The following ALKBH3 variants were observed in gnomAD, a reference collection of about 807,000 sequenced individuals.
The protein encoded by ALKBH3 is alpha-ketoglutarate-dependent dioxygenase alkB homolog 3.
ALKBH3 carries 51 observed loss-of-function variants against 43.9 expected under a neutral mutation model. The observed-to-expected ratio is 1.16, with a 90% CI of 0.93 to 1.47. ALKBH3 has a LOEUF of 1.47. Among genes scored for constraint, ALKBH3 ranks in the 40% most tolerant of loss-of-function variants. The pLI is 0.00. For synonymous variants in ALKBH3, 102 were observed against 115.2 expected (o/e 0.89, Z 0.73); for missense variants, 361 against 351.9 (o/e 1.03, Z -0.21).
chr11:43,883,993 G>T lies in ALKBH3; in HGVS notation c.194G>T (p.Arg65Ile). The T allele has an allele frequency of 6.2e-7, 1 of 1,613,918 alleles. No homozygotes were observed. The highest frequency in any genetic ancestry group is 8.5e-7 in the Non-Finnish European group (1 of 1,179,910). Residue 65 changes from arginine (R) to isoleucine (I), a missense_variant, in exon 4 of 10, where the codon AGA becomes ATA. By Grantham distance (97) the Arg-to-Ile change is moderately conservative. Coordinates refer to ENST00000302708, the MANE Select transcript of ALKBH3 (RefSeq NM_139178.4). The stretch of plus-strand genomic sequence containing the variant: ...CCTATTTCCTTGCAGGTAGTACGTA[G>T]AGCTCCTGAGCCACGAGTGATTGAG... ...VFKEPQQVVR[R>I]APEPRVIDRE...
At position 43,883,180 on chromosome 11, in the gene ALKBH3, C is replaced by G. The variant is rs764767598; in HGVS notation, c.175C>G (p.Pro59Ala). ...TGACAGAGAGTTTGTGTTCAAAGAA[C>G]CTCAGCAGGTAAATTCATGGTTTTT... ...LSDREFVFKE[P>A]QQVVRRAPEP... Residue 59 changes from proline (P) to alanine (A), a missense_variant, in exon 3 of 10, where the codon CCT (proline) becomes GCT (alanine). Physicochemically the swap from Pro to Ala is conservative, Grantham distance 27 (BLOSUM62 -1). Coordinates refer to ENST00000302708, the MANE Select transcript of ALKBH3 (RefSeq NM_139178.4). 4 of 1,612,794 alleles carry G rather than the reference C, an allele frequency of 2.5e-6. No homozygotes were observed. Among genetic ancestry groups the G allele is most frequent in the Middle Eastern group, 1.6e-4 (1 of 6,080 alleles).
At chr11:43,898,896 T>C (rs1951840239) in intron 7 of ALKBH3, 2 of 753,392 alleles carry the variant, frequency 2.7e-6, no homozygotes, top group Admixed American at 3.5e-5. Flanking sequence ...GAGTGGAGAG[T>C]GCATGTGCAA....
intron 7 of ALKBH3, among the ~76,000 whole-genome samples, chr11:43,896,954 G>A (rs1354436209): frequency 6.6e-6 from 1 of 150,846 alleles, no homozygotes; most frequent in Non-Finnish European, 1.5e-5. Flanking sequence ...TTTTTTTTTA[G>A]AGACACAGGG....
intron 7 of ALKBH3, chr11:43,897,453 A>G (rs547295434): frequency 2.7e-6 from 2 of 738,794 alleles, no homozygotes; most frequent in Non-Finnish European, 5.0e-6. Context: ...TTGTATTACA[A>G]TCATGGTGCA....
intron 8 of ALKBH3, chr11:43,916,629 C>T (rs1009777239): frequency 2.0e-5 from 3 of 152,178 alleles, no homozygotes; most frequent in Non-Finnish European, 2.9e-5. Flanking sequence ...AACTTAACCA[C>T]GCTTAATGAC....
Position 43,898,198 on chromosome 11 carries a change from A to G in ALKBH3, c.460-3318A>G, listed in dbSNP as rs541877795. The G allele has an allele frequency of 4.3e-5, 52 of 1,197,820 alleles. 1 individual carries two copies. The African/African-American group carries it at 7.5e-4, about 17-fold the overall frequency. 74.2% of individuals were successfully genotyped at this position (1,197,820 alleles called of 1,614,324 possible). ...GGGCGATTTGACTCCGCTGCAGGAG[A>G]GCTGTCTCATTAGACTTCACGGGTG... On this transcript the variant is annotated intron_variant, in intron 7 of 9. Coordinates refer to ENST00000302708, the MANE Select transcript of ALKBH3 (RefSeq NM_139178.4).
intron 6 of ALKBH3, among the ~76,000 whole-genome samples, chr11:43,890,279 T>G (rs1951773969): frequency 6.6e-6 from 1 of 152,174 alleles, no homozygotes; most frequent in Non-Finnish European, 1.5e-5. Flanking sequence ...AAGAGTCCAG[T>G]CTCCTCTAGC....
chr11:43,883,934 T>A (rs2271817), intron 3 of ALKBH3, 49 bp from the exon 4 acceptor site: 2 of 1,606,448 alleles, frequency 1.2e-6, no homozygotes, highest in South Asian at 1.1e-5. Context: ...GTCAGTATCC[T>A]TGAGGATTAA....
chr11:43,909,663 A>G (rs1293092200), intron 8 of ALKBH3: 1 of 152,264 alleles, frequency 6.6e-6, no homozygotes, highest in Non-Finnish European at 1.5e-5. Context: ...GTTTTCAAAT[A>G]TCATTTCAGT....
intron 5 of ALKBH3, among the ~76,000 whole-genome samples, chr11:43,888,904 C>G (rs1951764256): frequency 6.6e-6 from 1 of 152,212 alleles, no homozygotes; most frequent in South Asian, 2.1e-4. Context: ...GAGAAAGAAC[C>G]CTCATTAGCT....
chr11:43,910,588 A>T (rs530344731), intron 8 of ALKBH3: 1 of 152,318 alleles, frequency 6.6e-6, no homozygotes, highest in Admixed American at 6.5e-5. Flanking sequence ...ATTTATGTTC[A>T]TGTTAACCTA....
chr11:43,900,273 G>C (rs1466908944), intron 7 of ALKBH3, among the ~76,000 whole-genome samples: 1 of 131,060 alleles, frequency 7.6e-6, no homozygotes, highest in South Asian at 2.4e-4. Context: ...ACCCAGGCTG[G>C]AGTGCAGTGG....
At chr11:43,900,106 TCTC>T (rs1951851319) in intron 7 of ALKBH3, among the ~76,000 whole-genome samples, 1 of 151,812 alleles carries the variant, frequency 6.6e-6, no homozygotes, top group Admixed American at 6.6e-5. Flanking sequence ...GTGTCACCCT[TCTC>T]ATCAATTATT....
chr11:43,916,534 T>C (rs1484009024), intron 8 of ALKBH3: 1 of 152,200 alleles, frequency 6.6e-6, no homozygotes, highest in Non-Finnish European at 1.5e-5. Context: ...ATTTTATCCT[T>C]AGCCCTGGTT....
At chr11:43,916,271 A>C (rs941883920) in intron 8 of ALKBH3, among the ~76,000 whole-genome samples, 1 of 152,192 alleles carries the variant, frequency 6.6e-6, no homozygotes. Context: ...ACTGAATAGG[A>C]TATGTTGGTG....
intron 5 of ALKBH3, among the ~76,000 whole-genome samples, chr11:43,887,783 T>C (rs572920007): frequency 1.1e-3 from 163 of 144,288 alleles, no homozygotes; most frequent in Non-Finnish European, 2.3e-3. Context: ...ATTTCTTTTT[T>C]TGTTTTTTTT....
chr11:43,894,952 G>C (rs1283609198), intron 7 of ALKBH3, among the ~76,000 whole-genome samples: 2 of 152,090 alleles, frequency 1.3e-5, no homozygotes, highest in Non-Finnish European at 2.9e-5. Flanking sequence ...AGTCTCCCCA[G>C]GTGTCCCATT....
At chr11:43,883,275 C>A in intron 3 of ALKBH3, 87 bp downstream of exon 3, 1 of 907,180 alleles carries the variant, frequency 1.1e-6, no homozygotes. Context: ...TAAATAATGA[C>A]TGAATAAATT....
At chr11:43,899,723 A>G (rs910521092) in intron 7 of ALKBH3, 8 of 289,498 alleles carry the variant, frequency 2.8e-5, no homozygotes, top group Non-Finnish European at 4.6e-5. Context: ...TCCCAAAACT[A>G]TCTTGGCAGG....
Sources: allele counts gnomAD v4.1 joint callset (sites outside exome capture counted in the v4.1 genomes callset), GRCh38; gene constraint gnomAD v4.1.1; transcripts MANE v1.5; gene names NCBI Gene and HGNC (gene_info 2026-07-23, HGNC 2026-07-21).